MGST2: variants seen among roughly 807,000 people sequenced by gnomAD.
MGST2 encodes microsomal glutathione S-transferase 2.
A neutral mutation model predicts 16.6 loss-of-function variants in MGST2; 9 were observed. The observed-to-expected ratio is 0.54, with a 90% CI of 0.33 to 0.95. The LOEUF (loss-of-function observed/expected upper bound fraction) is 0.95, where lower values mean the gene tolerates loss of function less well. MGST2 is among the 40% of genes least tolerant of loss of function. The pLI is 0.03. For synonymous variants in MGST2, 79 were observed against 68.0 expected (o/e 1.16, Z -0.79); for missense variants, 159 against 175.1 (o/e 0.91, Z 0.52).
chr4:139,679,826 T>C (rs1267057293), intron 2 of MGST2, among the ~76,000 whole-genome samples: 1 of 152,194 alleles, frequency 6.6e-6, no homozygotes, highest in African/African-American at 2.4e-5. Context: ...TCAATTATCT[T>C]TGAATCCTTA....
intron 2 of MGST2, among the ~76,000 whole-genome samples, chr4:139,682,217 T>C (rs1731278804): frequency 6.8e-6 from 1 of 146,578 alleles, no homozygotes; most frequent in South Asian, 2.2e-4. Flanking sequence ...GAAAATCATA[T>C]ATTATGTTAG....
At chr4:139,725,829 G>A (rs768461519) in intron 5 of MGST2, 1 of 1,613,780 alleles carries the variant, frequency 6.2e-7, no homozygotes, top group Non-Finnish European at 8.5e-7. Flanking sequence ...TGTGATTGCT[G>A]CAACTGCTAG....
At chr4:139,737,358 GT>G (rs1728986666) in intron 5 of MGST2, among the ~76,000 whole-genome samples, 1 of 60,322 alleles carries the variant, frequency 1.7e-5, no homozygotes. Flanking sequence ...TAAGGAACTT[GT>G]CTGGTGGTGG....
At chr4:139,666,973 C>A (rs1462094564) in intron 1 of MGST2, among the ~76,000 whole-genome samples, 2 of 152,154 alleles carry the variant, frequency 1.3e-5, no homozygotes, top group Non-Finnish European at 2.9e-5. Context: ...TTCAGACTCA[C>A]GTTTTGTGGT....
intron 2 of MGST2, chr4:139,678,911 G>C: frequency 3.8e-6 from 2 of 530,916 alleles, no homozygotes; most frequent in South Asian, 4.3e-5. Flanking sequence ...TGTCTCCCAA[G>C]GAGGGTCACT....
At chr4:139,725,489 C>T (rs1728431084) in intron 5 of MGST2, among the ~76,000 whole-genome samples, 1 of 152,158 alleles carries the variant, frequency 6.6e-6, no homozygotes, top group Non-Finnish European at 1.5e-5. Context: ...GTTCTAGTCC[C>T]AACTCCGACA....
downstream of MGST2, among the ~76,000 whole-genome samples, chr4:139,741,994 G>A (rs1230690862): frequency 6.6e-6 from 1 of 152,096 alleles, no homozygotes; most frequent in African/African-American, 2.4e-5. Context: ...AGACACACGG[G>A]CATAAAAATA....
At chr4:139,732,387 G>A (rs1034917416) in intron 5 of MGST2, among the ~76,000 whole-genome samples, 2 of 152,044 alleles carry the variant, frequency 1.3e-5, no homozygotes, top group African/African-American at 4.8e-5. Context: ...GACTTCAACT[G>A]CATCTTCAGT....
the MGST2 span, among the ~76,000 whole-genome samples, chr4:139,748,211 G>A: frequency 2.0e-5 from 3 of 152,094 alleles, no homozygotes; most frequent in Admixed American, 2.0e-4. Context: ...ACATTGTCCA[G>A]GGCCTAAACA....
the MGST2 span, among the ~76,000 whole-genome samples, chr4:139,748,503 C>T: frequency 6.6e-6 from 1 of 152,250 alleles, no homozygotes; most frequent in South Asian, 2.1e-4. Flanking sequence ...GGACAAAATG[C>T]ATCAGTGGAA....
chr4:139,720,141 T>A (rs1015768025), intron 5 of MGST2: 46 of 1,614,082 alleles, frequency 2.8e-5, no homozygotes, highest in Non-Finnish European at 3.8e-5. Flanking sequence ...CCTGGTTGGC[T>A]GGTAGGCGTG....
At chr4:139,743,035 C>T (rs1180929171), downstream of MGST2, among the ~76,000 whole-genome samples, 1 of 152,232 alleles carries the variant, frequency 6.6e-6, no homozygotes. Context: ...CTACCACCCC[C>T]TCATTTTTCC....
At chr4:139,720,693 T>C (rs893804190) in intron 5 of MGST2, among the ~76,000 whole-genome samples, 1 of 152,246 alleles carries the variant, frequency 6.6e-6, no homozygotes, top group African/African-American at 2.4e-5. Flanking sequence ...TTGTTTATAC[T>C]TCAGAAGCAA....
rs780587252 is a variant in MGST2 at position 139,695,219 on chromosome 4, C to A, written c.181C>A (p.Pro61Thr). ...CAGACAAAACTGTGTGGAGTTTTAT[C>A]CTATATTCATAATTACATTGTGGAT... Reference protein sequence around the residue: ...RAQQNCVEFYPIFIITLWMAG... With the variant: ...RAQQNCVEFYTIFIITLWMAG... The change falls in exon 3 of 5, where the codon CCT becomes ACT. Residue 61 changes from proline (P) to threonine (T), a missense_variant. Transcript: ENST00000265498. 5 of 1,613,058 alleles carry A rather than the reference C, an allele frequency of 3.1e-6. No individual in the cohort carries two copies. The highest frequency in any genetic ancestry group is 1.7e-5 in the Admixed American group (1 of 60,010).
downstream of MGST2, among the ~76,000 whole-genome samples, chr4:139,744,812 C>T (rs1466070861): frequency 6.6e-6 from 1 of 152,164 alleles, no homozygotes; most frequent in Non-Finnish European, 1.5e-5. Flanking sequence ...AGCTGTGTGG[C>T]GTGTGTTCTG....
At chr4:139,732,109 G>A (rs1333620086) in intron 5 of MGST2, among the ~76,000 whole-genome samples, 2 of 152,192 alleles carry the variant, frequency 1.3e-5, no homozygotes, top group South Asian at 4.1e-4. Flanking sequence ...TAAATAGCAA[G>A]AAGCAAATGT....
intron 5 of MGST2, among the ~76,000 whole-genome samples, chr4:139,739,904 T>G (rs894538585): frequency 2.0e-5 from 3 of 152,140 alleles, no homozygotes; most frequent in Non-Finnish European, 4.4e-5. Context: ...TGGAATGAAA[T>G]GTAGAGTTCA....
chr4:139,719,228 AAAAAAAC>A (rs1486813504), intron 5 of MGST2: 3 of 1,432,344 alleles, frequency 2.1e-6, no homozygotes, highest in Non-Finnish European at 2.8e-6. Context: ...TACGTGGGTC[AAAAAAAC>A]AAAAAACAAG....
chr4:139,716,584 T>C (rs942171272), intron 5 of MGST2, among the ~76,000 whole-genome samples: 2 of 152,076 alleles, frequency 1.3e-5, no homozygotes, highest in Non-Finnish European at 2.9e-5. Context: ...AGTTGTGCAG[T>C]TGAATGCAAA....
Sources: gnomAD v4.1 joint callset for allele counts (sites outside exome capture counted in the v4.1 genomes callset) on GRCh38, gnomAD v4.1.1 for gene constraint, MANE v1.5 for transcripts, NCBI Gene and HGNC (gene_info 2026-07-23, HGNC 2026-07-21) for gene names.